The following FGF13 variants were observed in gnomAD, a reference collection of about 807,000 sequenced individuals.
FGF13 encodes fibroblast growth factor homologous factor 2.
In FGF13, 2 loss-of-function variants were observed where a neutral mutation model predicts 19.5. The ratio of observed to expected loss-of-function variants is 0.10; its 90% CI spans 0.04 to 0.32. FGF13 has a LOEUF of 0.32. Among genes scored for constraint, FGF13 ranks in the 10% least tolerant of loss-of-function variants. The pLI, the probability that FGF13 is intolerant of heterozygous loss-of-function variation, is 1.00. For missense variants in FGF13, 113 were observed against 192.7 expected (o/e 0.59, Z 2.45); for synonymous variants, 72 against 76.9 (o/e 0.94, Z 0.33).
chrX:139,138,218 G>A (rs1042672544), intron 1 of FGF13, among the ~76,000 whole-genome samples: 1 of 112,029 alleles, frequency 8.9e-6, no homozygotes, highest in African/African-American at 3.2e-5. Flanking sequence ...TGGTAAAACG[G>A]AAGGTTAGAG....
intron 3 of FGF13, among the ~76,000 whole-genome samples, chrX:138,795,028 T>A (rs756756017): frequency 8.9e-6 from 1 of 112,025 alleles, no homozygotes; most frequent in South Asian, 3.7e-4. Flanking sequence ...GGAGTTCTCT[T>A]TATAACTACG....
chrX:138,789,343 ATTT>A (rs762868458), intron 3 of FGF13, among the ~76,000 whole-genome samples: 2 of 75,662 alleles, frequency 2.6e-5, no homozygotes. Flanking sequence ...TAATTTCCGT[ATTT>A]TTTTTTTTTT....
At chrX:138,944,102 C>T (rs1239070393) in intron 1 of FGF13, among the ~76,000 whole-genome samples, 2 of 110,987 alleles carry the variant, frequency 1.8e-5, no homozygotes, top group African/African-American at 6.6e-5. Flanking sequence ...GCTCTTAGAC[C>T]TAAGGCACAT....
At chrX:138,949,736 A>G (rs1220433855) in intron 1 of FGF13, among the ~76,000 whole-genome samples, 1 of 111,855 alleles carries the variant, frequency 8.9e-6, no homozygotes, top group African/African-American at 3.2e-5. Context: ...AGAGGCAGAA[A>G]CAGTAAAACA....
intron 1 of FGF13, among the ~76,000 whole-genome samples, chrX:139,131,355 ATTG>A (rs1379614627): frequency 2.0e-5 from 2 of 101,558 alleles, no homozygotes; most frequent in East Asian, 6.2e-4. Context: ...CCCATATATA[ATTG>A]TTGTATGGAT....
Position 138,628,762 on chromosome X carries a change from G to A in FGF13, c.*4088C>T, listed in dbSNP as rs932904844. ...AGCTAAGGTCTTTGAAAAACTCTTC[G>A]GTGAGCTTGACTGGCTTAAAACTGG... On this transcript the variant is annotated 3_prime_UTR_variant, in exon 5 of 5. Transcript: ENST00000315930. 3.6e-5 allele frequency: 4 copies of A among 111,450 alleles called. No individual in the cohort carries two copies. Among genetic ancestry groups the A allele is most frequent in the Admixed American group, 9.6e-5 (1 of 10,457 alleles). The allele number at this position is 111,450 out of a possible 1,213,427, so 9.2% of individuals were successfully genotyped here. A position where few individuals can be genotyped will look rare whatever the true frequency, so the allele number is the denominator to read the frequency against.
chrX:139,119,256 T>C lies in FGF13; in HGVS notation c.-113+84160A>G, dbSNP rs1014354374. Among the ~76,000 whole-genome samples, 4 of 111,928 alleles carry C rather than the reference T, an allele frequency of 3.6e-5. No homozygotes were observed. The Admixed American group carries it at 3.8e-4, about 11-fold the overall frequency. On this transcript the variant is annotated intron_variant, in intron 1 of 2. Coordinates refer to the FGF13 transcript ENST00000421460. ...TTATTTACCCAAATCCTTATTTACCTTTCGCACTGGGAGCTTGCAGTCCGC... is the reference window on the plus strand; with the variant it reads ...TTATTTACCCAAATCCTTATTTACCCTTCGCACTGGGAGCTTGCAGTCCGC...
At chrX:138,640,865 T>TAGG (rs1365428541) in intron 3 of FGF13, among the ~76,000 whole-genome samples, 1 of 111,974 alleles carries the variant, frequency 8.9e-6, no homozygotes, top group Non-Finnish European at 1.9e-5. Context: ...CACTGTTTCA[T>TAGG]GTGTGTCCGT....
At chrX:139,052,634 G>A (rs1011186901) in intron 1 of FGF13, among the ~76,000 whole-genome samples, 2 of 110,933 alleles carry the variant, frequency 1.8e-5, no homozygotes, top group Non-Finnish European at 3.8e-5. Context: ...CTAAAGCTGC[G>A]CCTTGCTTTC....
At chrX:138,965,200 C>A (rs760707347) in intron 1 of FGF13, among the ~76,000 whole-genome samples, 2 of 112,429 alleles carry the variant, frequency 1.8e-5, no homozygotes, top group Non-Finnish European at 1.9e-5. Flanking sequence ...CTTCCTTTAC[C>A]CCTTCAGTTC....
At chrX:138,865,559 C>T (rs1018801570) in intron 1 of FGF13, among the ~76,000 whole-genome samples, 2 of 104,775 alleles carry the variant, frequency 1.9e-5, no homozygotes, top group African/African-American at 7.0e-5. Flanking sequence ...CAATTATTTG[C>T]GTTTCTTCCC....
intron 1 of FGF13, among the ~76,000 whole-genome samples, chrX:139,024,857 G>C (rs2092194963): frequency 9.0e-6 from 1 of 111,031 alleles, no homozygotes; most frequent in Non-Finnish European, 1.9e-5. Flanking sequence ...TTAATCTAAA[G>C]ACCTCTGGTC....
intron 3 of FGF13, among the ~76,000 whole-genome samples, chrX:138,820,912 G>C (rs2090995482): frequency 9.0e-6 from 1 of 111,423 alleles, no homozygotes; most frequent in Admixed American, 9.6e-5. Flanking sequence ...AGGGGTGGCA[G>C]ACTAAGACAC....
At chrX:139,201,155 C>T in intron 1 of FGF13, among the ~76,000 whole-genome samples, 1 of 112,007 alleles carries the variant, frequency 8.9e-6, no homozygotes, top group East Asian at 2.8e-4. Context: ...TCTTGTCTGG[C>T]TACATTTTTG....
upstream of FGF13, among the ~76,000 whole-genome samples, chrX:138,741,490 G>A (rs933519579): frequency 1.8e-5 from 2 of 111,551 alleles, no homozygotes; most frequent in Non-Finnish European, 3.8e-5. Flanking sequence ...CAGCCATGCA[G>A]GGCCTTTGTG....
At chrX:138,792,432 A>G (rs918274179) in intron 3 of FGF13, among the ~76,000 whole-genome samples, 2 of 111,131 alleles carry the variant, frequency 1.8e-5, no homozygotes, top group Non-Finnish European at 3.8e-5. Flanking sequence ...AAGCCTAGAT[A>G]TTTTTTTCTC....
At chrX:138,787,307 G>A in intron 3 of FGF13, among the ~76,000 whole-genome samples, 1 of 112,339 alleles carries the variant, frequency 8.9e-6, no homozygotes, top group East Asian at 2.8e-4. Context: ...CCCCATAACA[G>A]ACACTGGATG....
chrX:139,028,659 G>C (rs1603139765), intron 1 of FGF13, among the ~76,000 whole-genome samples: 2 of 55,706 alleles, frequency 3.6e-5, no homozygotes, highest in Non-Finnish European at 7.4e-5. Flanking sequence ...GTGAGAGAGA[G>C]AGAGAAAGAG....
chrX:138,688,964 T>C (rs1257304390), intron 3 of FGF13, among the ~76,000 whole-genome samples: 2 of 111,628 alleles, frequency 1.8e-5, no homozygotes, highest in African/African-American at 6.5e-5. Flanking sequence ...TGTCATCATG[T>C]AATTTCCACT....
Sources: gnomAD v4.1 joint callset for allele counts (sites outside exome capture counted in the v4.1 genomes callset) on GRCh38, gnomAD v4.1.1 for gene constraint, MANE v1.5 for transcripts, NCBI Gene and HGNC (gene_info 2026-07-23, HGNC 2026-07-21) for gene names.